The following CPLX1 variants were observed in gnomAD, a reference collection of about 807,000 sequenced individuals.
CPLX1 encodes the protein complexin-1.
In CPLX1, 6 loss-of-function variants were observed where a neutral mutation model predicts 15.6. That is an observed-to-expected ratio of 0.39 (90% CI 0.21 to 0.76). The LOEUF is 0.76. Among genes scored for constraint, CPLX1 ranks in the 30% least tolerant of loss-of-function variants. The pLI is 0.43. For missense variants in CPLX1, 242 were observed against 188.6 expected (o/e 1.28, Z -1.66); for synonymous variants, 91 against 75.2 (o/e 1.21, Z -1.08).
intron 2 of CPLX1, among the ~76,000 whole-genome samples, chr4:812,745 G>A (rs970645792): frequency 2.0e-5 from 3 of 151,818 alleles, no homozygotes; most frequent in African/African-American, 2.4e-5. Context: ...GCATCCTAAC[G>A]CTGCGTGTCC....
intron 2 of CPLX1, among the ~76,000 whole-genome samples, chr4:818,972 C>T (rs1307651574): frequency 6.6e-6 from 1 of 152,222 alleles, no homozygotes; most frequent in Non-Finnish European, 1.5e-5. Context: ...TCCGTGTGGA[C>T]CAGGAGACCC....
At chr4:795,515 A>AG (rs1369305604) in intron 2 of CPLX1, among the ~76,000 whole-genome samples, 1 of 152,138 alleles carries the variant, frequency 6.6e-6, no homozygotes, top group African/African-American at 2.4e-5. Context: ...CTCTGATTGC[A>AG]GGGGGGTCGG....
chr4:797,548 G>A (rs951411419), intron 2 of CPLX1, among the ~76,000 whole-genome samples: 3 of 152,000 alleles, frequency 2.0e-5, no homozygotes, highest in African/African-American at 4.8e-5. Flanking sequence ...GGCTGTTCTC[G>A]AACTCTTGAC....
At chr4:788,106 G>A (rs891066564) in intron 3 of CPLX1, 1 of 985,266 alleles carries the variant, frequency 1.0e-6, no homozygotes, top group Admixed American at 6.2e-5. Flanking sequence ...CAGCCACAGG[G>A]AGGGGCCTTT....
chr4:801,150 TAA>T (rs61022531), intron 2 of CPLX1, among the ~76,000 whole-genome samples: 4 of 131,878 alleles, frequency 3.0e-5, no homozygotes, highest in Non-Finnish European at 3.3e-5. Flanking sequence ...CCATCTCTAC[TAA>T]AAAAAAAAAA....
At chr4:822,132 A>C (rs1234978480) in intron 2 of CPLX1, among the ~76,000 whole-genome samples, 9 of 119,726 alleles carry the variant, frequency 7.5e-5, no homozygotes, top group South Asian at 2.8e-4. Flanking sequence ...TCTCCCTCTC[A>C]CCACTGTCTC....
intron 3 of CPLX1, among the ~76,000 whole-genome samples, chr4:791,193 G>GGGGAGCT (rs1232181305): frequency 5.3e-5 from 8 of 150,596 alleles, no homozygotes; most frequent in Non-Finnish European, 1.0e-4. Context: ...GGCGGGGAGC[G>GGGGAGCT]GGGGGCGGAG....
At chr4:793,815 G>A (rs1160015704) in intron 2 of CPLX1, among the ~76,000 whole-genome samples, 3 of 152,192 alleles carry the variant, frequency 2.0e-5, no homozygotes, top group Admixed American at 6.5e-5. Context: ...TCTGGGCTCT[G>A]CCCCCTGGAT....
At chr4:795,809 G>T (rs568747465) in intron 2 of CPLX1, among the ~76,000 whole-genome samples, 2 of 151,974 alleles carry the variant, frequency 1.3e-5, no homozygotes, top group African/African-American at 4.8e-5. Context: ...AGGGGGTGGG[G>T]GGGGGGTGCA....
At chr4:804,543 G>C (rs190184561) in intron 2 of CPLX1, among the ~76,000 whole-genome samples, 81 of 152,242 alleles carry the variant, frequency 5.3e-4, no homozygotes, top group African/African-American at 1.8e-3. Flanking sequence ...GTTTTGGAAA[G>C]ACATGCCAGA....
At chr4:791,765 C>T (rs1374139729) in intron 3 of CPLX1, among the ~76,000 whole-genome samples, 2 of 152,154 alleles carry the variant, frequency 1.3e-5, no homozygotes, top group Non-Finnish European at 2.9e-5. Context: ...GCGCCCCAGG[C>T]AGCACCCCAG....
At position 786,595 on chromosome 4, in the gene CPLX1, C is replaced by T. The variant is rs562631127; in HGVS notation, c.311G>A (p.Gly104Asp). Residue 104 changes from glycine (G) to aspartate (D), a missense_variant, in exon 4 of 4, where the codon GGC becomes GAC. Gly to Asp is a moderately conservative substitution (Grantham distance 94, BLOSUM62 -1). Transcript: ENST00000304062. ...LTRPKKAIPP[G>D]CGDEVEEEDE... is the part of the protein sequence containing the mutation. ...CTCCTCCTCCACCTCGTCCCCGCAG[C>T]CCGGCGGGATGGCCTTCTTGGGCCG... 4.0e-5 allele frequency: 65 copies of T among 1,611,998 alleles called. No individual in the cohort carries two copies. The Admixed American group carries it at 9.0e-4, about 22-fold the overall frequency.
chr4:815,767 C>T (rs1296622382), intron 2 of CPLX1, among the ~76,000 whole-genome samples: 2 of 152,224 alleles, frequency 1.3e-5, no homozygotes, highest in Non-Finnish European at 2.9e-5. Context: ...CCGTGAGAGG[C>T]TGTTGATACA....
intron 2 of CPLX1, among the ~76,000 whole-genome samples, chr4:794,412 C>T (rs1445256278): frequency 6.6e-6 from 1 of 152,248 alleles, no homozygotes; most frequent in Non-Finnish European, 1.5e-5. Flanking sequence ...CAGATCTGGA[C>T]TCCTCAACAG....
In CPLX1 at chr4:793,066, G is replaced by A. The variant is rs114645584; in HGVS notation, c.32-458C>T. Among the ~76,000 whole-genome samples the A allele has an allele frequency of 2.7e-3, 417 of 152,360 alleles. 1 individual carries two copies. Among genetic ancestry groups the A allele is most frequent in the African/African-American group, 9.5e-3 (393 of 41,574 alleles). ...TGTGTGGTTGACTGCATGCGGTTGT[G>A]TGATCAGGCTTGTCGTCTTGTGGTT... On this transcript the variant is annotated intron_variant, in intron 2 of 3. Transcript: ENST00000304062.
intron 2 of CPLX1, among the ~76,000 whole-genome samples, chr4:804,426 A>G (rs936914147): frequency 2.2e-4 from 33 of 152,248 alleles, no homozygotes; most frequent in Non-Finnish European, 5.9e-5. Flanking sequence ...TTCCACTTAC[A>G]ATAATGAGGA....
chr4:795,071 A>T (rs775723592), intron 2 of CPLX1, among the ~76,000 whole-genome samples: 20 of 152,230 alleles, frequency 1.3e-4, no homozygotes, highest in Non-Finnish European at 2.5e-4. Context: ...CTGCAAAGCC[A>T]CTAGGCTCAG....
Position 795,808 on chromosome 4 carries a change from G to C in CPLX1, c.32-3200C>G, listed in dbSNP as rs529832610. On this transcript the variant is annotated intron_variant, in intron 2 of 3. Coordinates refer to ENST00000304062, the MANE Select transcript of CPLX1 (RefSeq NM_006651.4). ...CCCAAACCGGGTGGAGAGGGGGTGGGGGGGGGGTGCAGATCGCGGCGCCTC... is the reference window on the plus strand; with the variant it reads ...CCCAAACCGGGTGGAGAGGGGGTGGCGGGGGGGTGCAGATCGCGGCGCCTC... Among the ~76,000 whole-genome samples the C allele has an allele frequency of 3.9e-5, 6 of 151,972 alleles. 1 individual carries two copies. Among genetic ancestry groups the C allele is most frequent in the African/African-American group, 1.5e-4 (6 of 41,370 alleles).
chr4:792,302 G>C, intron 3 of CPLX1, 131 bp downstream of exon 3: 2 of 647,892 alleles, frequency 3.1e-6, no homozygotes, highest in East Asian at 3.6e-5. Context: ...CCACTCTGAA[G>C]CCCCCAAAGG....
Sources: gnomAD v4.1 joint callset for allele counts (sites outside exome capture counted in the v4.1 genomes callset) on GRCh38, gnomAD v4.1.1 for gene constraint, MANE v1.5 for transcripts, NCBI Gene and HGNC (gene_info 2026-07-23, HGNC 2026-07-21) for gene names.